The following POLA1 variants were observed in gnomAD, a reference collection of about 807,000 sequenced individuals.
POLA1 encodes DNA polymerase alpha catalytic subunit.
POLA1 carries 15 observed loss-of-function variants against 124.0 expected under a neutral mutation model. That is an observed-to-expected ratio of 0.12 (90% CI 0.08 to 0.19). The LOEUF (loss-of-function observed/expected upper bound fraction) is 0.19, where lower values mean the gene tolerates loss of function less well. POLA1 is among the 10% of genes least tolerant of loss of function. POLA1 has a pLI of 1.00. For missense variants in POLA1, 886 were observed against 1,103.4 expected, an observed-to-expected ratio of 0.80 and a Z score of 2.79; for synonymous variants, 408 against 389.4, an observed-to-expected ratio of 1.05 and a Z score of -0.56.
intron 26 of POLA1, among the ~76,000 whole-genome samples, chrX:24,802,141 G>A (rs941309085): frequency 2.7e-5 from 3 of 110,423 alleles, no homozygotes; most frequent in East Asian, 5.6e-4. Flanking sequence ...GATGGGGCCC[G>A]CTCACACTGT....
At chrX:24,933,141 C>T (rs1340578699) in intron 36 of POLA1, among the ~76,000 whole-genome samples, 1 of 111,723 alleles carries the variant, frequency 9.0e-6, no homozygotes, top group Non-Finnish European at 1.9e-5. Context: ...AGTTTGAGAA[C>T]CCCTCTCCTG....
At chrX:24,770,544 T>C (rs1319584471) in intron 26 of POLA1, among the ~76,000 whole-genome samples, 4 of 111,834 alleles carry the variant, frequency 3.6e-5, no homozygotes, top group Admixed American at 9.5e-5. Context: ...CTTTTCTAGC[T>C]AGAGGTCTAA....
chrX:24,826,014 A>G (rs1372811822), intron 31 of POLA1, among the ~76,000 whole-genome samples: 3 of 112,235 alleles, frequency 2.7e-5, no homozygotes, highest in African/African-American at 9.7e-5. Flanking sequence ...TGACATTAAC[A>G]TAATAAAAAA....
At chrX:24,948,373 A>C (rs1437700803) in intron 36 of POLA1, among the ~76,000 whole-genome samples, 1 of 111,024 alleles carries the variant, frequency 9.0e-6, no homozygotes, top group Admixed American at 9.6e-5. Context: ...CCTCCTTAAA[A>C]AGGTGGTTAC....
intron 35 of POLA1, among the ~76,000 whole-genome samples, chrX:24,891,519 A>G (rs762968791): frequency 8.9e-5 from 10 of 111,964 alleles, no homozygotes; most frequent in African/African-American, 3.2e-4. Context: ...GCATTTTTCC[A>G]AAGATAGTTC....
chrX:24,782,932 G>T (rs2045295065), intron 26 of POLA1, among the ~76,000 whole-genome samples: 1 of 110,377 alleles, frequency 9.1e-6, no homozygotes, highest in African/African-American at 3.3e-5. Flanking sequence ...TTTGATTTTT[G>T]TTGTTGTTGT....
chrX:24,716,748 T>C, intron 7 of POLA1, 136 bp from the exon 8 acceptor site: 1 of 435,951 alleles, frequency 2.3e-6, no homozygotes, highest in East Asian at 3.9e-5. Context: ...AACAGTAAAA[T>C]AATTGAAGCT....
At chrX:24,855,427 C>A (rs2046631093) in intron 34 of POLA1, among the ~76,000 whole-genome samples, 1 of 111,671 alleles carries the variant, frequency 9.0e-6, no homozygotes, top group African/African-American at 3.3e-5. Flanking sequence ...ATCTGCGACC[C>A]ACCATACTGA....
chrX:24,893,148 A>G (rs2047163546), intron 35 of POLA1, among the ~76,000 whole-genome samples: 2 of 111,875 alleles, frequency 1.8e-5, no homozygotes, highest in South Asian at 3.8e-4. Context: ...AGAAAACATG[A>G]AAATAATTGT....
At chrX:24,887,374 G>A (rs1027539663) in intron 34 of POLA1, among the ~76,000 whole-genome samples, 2 of 112,350 alleles carry the variant, frequency 1.8e-5, no homozygotes, top group Admixed American at 9.4e-5. Context: ...AGTTGAAGTT[G>A]TCCTTGAAAA....
At chrX:24,794,856 G>A (rs1243833179) in intron 26 of POLA1, among the ~76,000 whole-genome samples, 1 of 109,123 alleles carries the variant, frequency 9.2e-6, no homozygotes, top group African/African-American at 3.3e-5. Flanking sequence ...GGGTGTCTTC[G>A]GCTTGCATTT....
chrX:24,939,307 A>G (rs971839291), intron 36 of POLA1, among the ~76,000 whole-genome samples: 14 of 112,288 alleles, frequency 1.2e-4, no homozygotes, highest in South Asian at 3.7e-4. Context: ...AAATGAAACA[A>G]TTCGCAAGCA....
At chrX:24,828,771 G>A (rs1442880033) in intron 32 of POLA1, among the ~76,000 whole-genome samples, 3 of 111,652 alleles carry the variant, frequency 2.7e-5, no homozygotes, top group Non-Finnish European at 3.8e-5. Context: ...AGCCTTGTAT[G>A]TCAGCAAAAG....
chrX:24,912,113 A>G (rs2047457064), intron 35 of POLA1, among the ~76,000 whole-genome samples: 1 of 112,644 alleles, frequency 8.9e-6, no homozygotes, highest in South Asian at 3.7e-4. Flanking sequence ...AAGCAATTTA[A>G]TGGAGAAGGG....
At chrX:24,915,162 G>T (rs1019076200) in intron 35 of POLA1, among the ~76,000 whole-genome samples, 1 of 111,548 alleles carries the variant, frequency 9.0e-6, no homozygotes. Flanking sequence ...AGTGGCTTCT[G>T]CTTAAGCCCC....
chrX:24,860,218 C>T (rs901041695), intron 34 of POLA1, among the ~76,000 whole-genome samples: 1 of 112,639 alleles, frequency 8.9e-6, no homozygotes. Context: ...TTTTGAGAAG[C>T]CCTTAGCACC....
At chrX:24,891,441 A>T (rs1238279562) in intron 35 of POLA1, among the ~76,000 whole-genome samples, 1 of 111,922 alleles carries the variant, frequency 8.9e-6, no homozygotes, top group African/African-American at 3.2e-5. Context: ...TGAGTTGCTA[A>T]TAATGGGCGA....
intron 36 of POLA1, among the ~76,000 whole-genome samples, chrX:24,987,398 G>A (rs758404436): frequency 9.0e-6 from 1 of 111,359 alleles, no homozygotes; most frequent in African/African-American, 3.3e-5. Flanking sequence ...TCAAATCATG[G>A]GGTGATTTGT....
At chrX:24,793,200 C>G (rs910656439) in intron 26 of POLA1, among the ~76,000 whole-genome samples, 5 of 101,138 alleles carry the variant, frequency 4.9e-5, no homozygotes, top group African/African-American at 1.9e-4. Context: ...TGGCTTGAAC[C>G]CAGGAGGTGG....
Sources: allele counts gnomAD v4.1 joint callset (sites outside exome capture counted in the v4.1 genomes callset), GRCh38; gene constraint gnomAD v4.1.1; transcripts MANE v1.5; gene names NCBI Gene and HGNC (gene_info 2026-07-23, HGNC 2026-07-21).